DLGAP1: variants seen among roughly 807,000 people sequenced by gnomAD.
DLGAP1 encodes DLG associated protein 1.
Under a neutral mutation model 90.8 loss-of-function variants are expected in DLGAP1, and 11 were observed. The observed-to-expected ratio is 0.12, with a 90% confidence interval of 0.08 to 0.20. DLGAP1 has a LOEUF of 0.20. Ranked by LOEUF, DLGAP1 falls within the 10% of genes least tolerant of loss-of-function variation. The pLI is 1.00. For missense variants in DLGAP1, 1,050 were observed against 1,333.8 expected (o/e 0.79, Z 3.31); for synonymous variants, 558 against 540.7 (o/e 1.03, Z -0.44).
chr18:3,958,428 T>TTCA (rs2073125508), intron 3 of DLGAP1, among the ~76,000 whole-genome samples: 1 of 137,930 alleles, frequency 7.3e-6, no homozygotes, highest in Non-Finnish European at 1.5e-5. Context: ...ACTTCAATAC[T>TTCA]ATTGTGAAGA....
intron 3 of DLGAP1, among the ~76,000 whole-genome samples, chr18:3,946,113 T>C (rs2072873454): frequency 6.6e-6 from 1 of 151,984 alleles, no homozygotes; most frequent in South Asian, 2.1e-4. Flanking sequence ...CATAGGTACT[T>C]TATTCCCTTA....
intron 3 of DLGAP1, among the ~76,000 whole-genome samples, chr18:3,899,133 G>T (rs181952351): frequency 2.1e-3 from 321 of 152,306 alleles, no homozygotes; most frequent in Non-Finnish European, 3.7e-3. Context: ...TCAAGTGAAA[G>T]AAATAAGGAG....
chr18:3,802,719 A>G (rs2066368067), intron 5 of DLGAP1, among the ~76,000 whole-genome samples: 1 of 152,194 alleles, frequency 6.6e-6, no homozygotes, highest in African/African-American at 2.4e-5. Flanking sequence ...GCGGCACTGA[A>G]TCGTATATGT....
chr18:4,048,025 C>T (rs967752645), intron 2 of DLGAP1, among the ~76,000 whole-genome samples: 9 of 152,042 alleles, frequency 5.9e-5, no homozygotes, highest in Admixed American at 1.3e-4. Context: ...CTCAAACTCC[C>T]GGGCTCAAGC....
chr18:4,226,304 A>T lies in DLGAP1; in HGVS notation c.-266-75017T>A, dbSNP rs374458433. 1.2e-4 allele frequency among the ~76,000 whole-genome samples: 19 copies of T among 152,164 alleles called. No individual in the cohort carries two copies. The South Asian group carries it at 2.1e-3, about 17-fold the overall frequency. On this transcript the variant is annotated intron_variant, in intron 1 of 12. Transcript: ENST00000315677. ...CTGTCCTATAAGAAAAGCTAAAGAGAGTTCTTCAGTCTAAAAGAAAAGGAC... is the reference window on the plus strand; with the variant it reads ...CTGTCCTATAAGAAAAGCTAAAGAGTGTTCTTCAGTCTAAAAGAAAAGGAC...
intron 4 of DLGAP1, among the ~76,000 whole-genome samples, chr18:3,823,949 C>CAAAAAAAAA (rs60286806): frequency 2.7e-5 from 1 of 36,550 alleles, no homozygotes; most frequent in African/African-American, 1.1e-4. Flanking sequence ...GACTCCCTCT[C>CAAAAAAAAA]AAAAAAAAAA....
intron 1 of DLGAP1, among the ~76,000 whole-genome samples, chr18:4,230,831 C>A (rs115153738): frequency 0.029 from 4,423 of 151,030 alleles, 93 homozygotes; most frequent in African/African-American, 0.058. Flanking sequence ...CCCACTTACC[C>A]TGATGTGATT....
chr18:4,090,385 T>A (rs943157668), intron 2 of DLGAP1, among the ~76,000 whole-genome samples: 7 of 152,064 alleles, frequency 4.6e-5, no homozygotes, highest in Non-Finnish European at 1.0e-4. Flanking sequence ...TACAAGGAAC[T>A]TAAACACATT....
intron 10 of DLGAP1, among the ~76,000 whole-genome samples, chr18:3,529,579 A>G (rs1311073239): frequency 1.3e-5 from 2 of 152,228 alleles, no homozygotes; most frequent in Non-Finnish European, 2.9e-5. Context: ...ATCCCCTGTT[A>G]TGCGTCAGAG....
chr18:3,892,788 T>G (rs1344106969), intron 3 of DLGAP1, among the ~76,000 whole-genome samples: 2 of 151,888 alleles, frequency 1.3e-5, no homozygotes, highest in East Asian at 3.9e-4. Context: ...GAGCAGCACA[T>G]TCTTCAAAGA....
At chr18:3,689,203 A>G (rs1240942271) in intron 7 of DLGAP1, among the ~76,000 whole-genome samples, 1 of 152,236 alleles carries the variant, frequency 6.6e-6, no homozygotes, top group African/African-American at 2.4e-5. Context: ...TTTCTGGAAG[A>G]ATTTAAAGTC....
chr18:4,265,875 A>C (rs944999982), intron 1 of DLGAP1, among the ~76,000 whole-genome samples: 1 of 150,696 alleles, frequency 6.6e-6, no homozygotes, highest in African/African-American at 2.5e-5. Flanking sequence ...TTTTGGAGAG[A>C]TAGGGTTTCC....
chr18:3,625,705 TGTTA>T (rs111919416), intron 7 of DLGAP1, among the ~76,000 whole-genome samples: 2,815 of 152,228 alleles, frequency 0.018, 65 homozygotes, highest in African/African-American at 0.062. Context: ...TAGTACATCA[TGTTA>T]GTTCAGAAAG....
At chr18:3,582,450 A>G (rs1298483772) in intron 7 of DLGAP1, among the ~76,000 whole-genome samples, 1 of 152,094 alleles carries the variant, frequency 6.6e-6, no homozygotes, top group Non-Finnish European at 1.5e-5. Flanking sequence ...CACAAAACTG[A>G]GGGAGAAAAA....
chr18:4,288,471 C>G (rs2079760737), intron 1 of DLGAP1, among the ~76,000 whole-genome samples: 1 of 152,284 alleles, frequency 6.6e-6, no homozygotes, highest in South Asian at 2.1e-4. Context: ...AACTCAAAAG[C>G]TCTACCTGGT....
intron 1 of DLGAP1, among the ~76,000 whole-genome samples, chr18:4,274,480 G>A (rs2079365199): frequency 6.6e-6 from 1 of 152,024 alleles, no homozygotes; most frequent in African/African-American, 2.4e-5. Flanking sequence ...TTGGACAGTC[G>A]AGAATTTACT....
chr18:4,165,300 A>C (rs1235273013), intron 1 of DLGAP1, among the ~76,000 whole-genome samples: 1 of 152,224 alleles, frequency 6.6e-6, no homozygotes, highest in African/African-American at 2.4e-5. Context: ...GAAACCATGA[A>C]GGCCAGAAGA....
At chr18:3,777,809 T>C (rs1598710374) in intron 5 of DLGAP1, among the ~76,000 whole-genome samples, 1 of 152,174 alleles carries the variant, frequency 6.6e-6, no homozygotes, top group South Asian at 2.1e-4. Flanking sequence ...ATTGGACTAA[T>C]AGGAATTGGC....
At chr18:3,843,509 GATCA>G (rs1239429730) in intron 4 of DLGAP1, among the ~76,000 whole-genome samples, 1 of 152,176 alleles carries the variant, frequency 6.6e-6, no homozygotes, top group African/African-American at 2.4e-5. Flanking sequence ...ATTGAACATA[GATCA>G]ATCTATAGGT....
Sources: allele counts gnomAD v4.1 joint callset (sites outside exome capture counted in the v4.1 genomes callset), GRCh38; gene constraint gnomAD v4.1.1; transcripts MANE v1.5; gene names NCBI Gene and HGNC (gene_info 2026-07-23, HGNC 2026-07-21).